Variants in KMT2C observed in about 807,000 individuals in gnomAD.
KMT2C encodes the protein lysine methyltransferase 2C, also known as histone-lysine N-methyltransferase 2C.
KMT2C carries 88 observed loss-of-function variants against 507.9 expected under a neutral mutation model. The ratio of observed to expected loss-of-function variants is 0.17; its 90% CI spans 0.15 to 0.21. The LOEUF is 0.21. Among genes scored for constraint, KMT2C ranks in the 10% least tolerant of loss-of-function variants. The pLI is 1.00. For synonymous variants in KMT2C, 2,049 were observed against 2,080.8 expected, an observed-to-expected ratio of 0.98 and a Z score of 0.42; for missense variants, 4,954 against 5,957.8, an observed-to-expected ratio of 0.83 and a Z score of 5.55.
rs2089867550 is a variant in KMT2C at position 152,136,322 on chromosome 7, C to CT, written c.*509dup. The CT allele has an allele frequency of 4.6e-6, 1 of 218,672 alleles. No individual in the cohort carries two copies. Among genetic ancestry groups the CT allele is most frequent in the Non-Finnish European group, 9.2e-6 (1 of 108,914 alleles). 13.5% of individuals were successfully genotyped at this position (218,672 alleles called of 1,614,324 possible). The stretch of plus-strand genomic sequence containing the variant: ...CAGTACATTCCTTGTTCAGTGGTGT[C>CT]TACTTTATTTAAAAACATTTTGAAG... On this transcript the variant is annotated 3_prime_UTR_variant, in exon 59 of 59. Transcript: ENST00000262189.
At chr7:152,296,067 C>CAAAAA (rs34144566) in intron 6 of KMT2C, among the ~76,000 whole-genome samples, 10 of 45,340 alleles carry the variant, frequency 2.2e-4, no homozygotes, top group Admixed American at 5.1e-4. Flanking sequence ...GACTCCGTCT[C>CAAAAA]AAAAAAAAAA....
intron 54 of KMT2C, 49 bp downstream of exon 54, chr7:152,145,104 A>T: frequency 6.3e-7 from 1 of 1,586,638 alleles, no homozygotes; most frequent in Non-Finnish European, 8.6e-7. Flanking sequence ...GAAACCACTA[A>T]TACGCCTAGA....
At position 152,171,352 on chromosome 7, in the gene KMT2C, C is replaced by T. The variant is rs370525823; in HGVS notation, c.9375-10G>A. 27 of 1,579,226 alleles carry T rather than the reference C, an allele frequency of 1.7e-5. No individual in the cohort carries two copies. The highest frequency in any genetic ancestry group is 2.3e-5 in the Non-Finnish European group (27 of 1,154,664). On this transcript the variant is annotated splice_polypyrimidine_tract_variant and intron_variant, in intron 39 of 58. Transcript: ENST00000262189. ...GCCCATAAAAGGGAACCTGTCAAAA[C>T]AGGGTACACAAGTATCAAGTGATGA...
intron 1 of KMT2C, among the ~76,000 whole-genome samples, chr7:152,390,809 A>C (rs1589678782): frequency 6.6e-6 from 1 of 152,176 alleles, no homozygotes; most frequent in East Asian, 1.9e-4. Flanking sequence ...CAGATGTATA[A>C]GATAGAGCCA....
At chr7:152,251,067 C>CA in intron 11 of KMT2C, 101 bp from the exon 12 acceptor site, 3 of 642,776 alleles carry the variant, frequency 4.7e-6, no homozygotes, top group Non-Finnish European at 8.2e-6. Flanking sequence ...AAATCATCAC[C>CA]AAAAATGCTT....
chr7:152,400,364 G>A (rs2097565148), intron 1 of KMT2C, among the ~76,000 whole-genome samples: 2 of 152,156 alleles, frequency 1.3e-5, no homozygotes, highest in South Asian at 4.1e-4. Context: ...CTTTCAAGAA[G>A]TGAAGCACAT....
intron 6 of KMT2C, among the ~76,000 whole-genome samples, chr7:152,275,610 A>AT: frequency 6.6e-6 from 1 of 152,330 alleles, no homozygotes; most frequent in East Asian, 1.9e-4. Context: ...CTTCATTGAT[A>AT]AAGTGTAATA....
chr7:152,290,312 TTTTTTTTTTTTTG>T, intron 6 of KMT2C, among the ~76,000 whole-genome samples: 1 of 106,940 alleles, frequency 9.4e-6, no homozygotes, highest in African/African-American at 3.6e-5. Context: ...TTTTTTTTTT[TTTTTTTTTTTTTG>T]TCTGAGATGG....
At chr7:152,295,790 G>C (rs1024599103) in intron 6 of KMT2C, among the ~76,000 whole-genome samples, 4 of 152,160 alleles carry the variant, frequency 2.6e-5, no homozygotes, top group Non-Finnish European at 5.9e-5. Context: ...CGCTCGGCTG[G>C]GCGCAGTGGC....
At chr7:152,229,735 A>G (rs1411371610) in intron 18 of KMT2C, among the ~76,000 whole-genome samples, 188 bp downstream of exon 18, 1 of 152,180 alleles carries the variant, frequency 6.6e-6, no homozygotes, top group South Asian at 2.1e-4. Flanking sequence ...ATTGTACAAT[A>G]TAAGATTTAT....
At position 152,135,047 on chromosome 7, in the gene KMT2C, T is replaced by A; in HGVS notation, c.*1785A>T. On this transcript the variant is annotated 3_prime_UTR_variant, in exon 59 of 59. Transcript: ENST00000262189. ...AATTTTTGCCAACATTAGATACTATTATACAGAACAGAAAACAACAAAAAC... is the reference window on the plus strand; with the variant it reads ...AATTTTTGCCAACATTAGATACTATAATACAGAACAGAAAACAACAAAAAC... The A allele has an allele frequency of 4.4e-6, 1 of 229,392 alleles. No homozygotes were observed. Among genetic ancestry groups the A allele is most frequent in the East Asian group, 6.3e-5 (1 of 15,958 alleles). 14.2% of individuals were successfully genotyped at this position (229,392 alleles called of 1,614,324 possible). A position where few individuals can be genotyped will look rare whatever the true frequency, so the allele number is the denominator to read the frequency against.
chr7:152,271,764 A>G (rs1190570632), intron 7 of KMT2C, among the ~76,000 whole-genome samples: 1 of 151,514 alleles, frequency 6.6e-6, no homozygotes, highest in Non-Finnish European at 1.5e-5. Flanking sequence ...GAAGGCTGCT[A>G]TAAGAAACAG....
At chr7:152,189,975 C>T (rs1017308374) in intron 31 of KMT2C, among the ~76,000 whole-genome samples, 7 of 152,322 alleles carry the variant, frequency 4.6e-5, no homozygotes, top group South Asian at 2.1e-4. Flanking sequence ...TGACCATTAC[C>T]GCCTGAGCTC....
chr7:152,343,107 T>C (rs780201216), intron 2 of KMT2C, among the ~76,000 whole-genome samples: 8 of 151,892 alleles, frequency 5.3e-5, no homozygotes, highest in Non-Finnish European at 8.8e-5. Context: ...TTACAAGGTA[T>C]ACTAAAAAGC....
intron 55 of KMT2C, among the ~76,000 whole-genome samples, chr7:152,140,541 C>G (rs1421308230): frequency 6.6e-6 from 1 of 152,126 alleles, no homozygotes; most frequent in African/African-American, 2.4e-5. Context: ...GTTGTATTTT[C>G]TTGTCCCAAT....
intron 6 of KMT2C, among the ~76,000 whole-genome samples, chr7:152,301,421 A>C (rs1424831421): frequency 6.7e-6 from 1 of 149,984 alleles, no homozygotes; most frequent in Admixed American, 6.6e-5. Context: ...AGGCAGGAGA[A>C]TCACTTGAAC....
In KMT2C at chr7:152,154,490, C is replaced by CT. The variant is rs752604077; in HGVS notation, c.11961-46dup. 2.5e-6 allele frequency: 4 copies of CT among 1,569,762 alleles called. No homozygotes were observed. The African/African-American group carries it at 5.4e-5, about 21-fold the overall frequency. The stretch of plus-strand genomic sequence containing the variant: ...CACATCAAAGTCTGCAAATCCACCA[C>CT]TGGGGGCTTCCTGTACCAACCCTGC... On this transcript the variant is annotated intron_variant, in intron 46 of 58. Coordinates refer to ENST00000262189, the MANE Select transcript of KMT2C (RefSeq NM_170606.3).
At chr7:152,234,781 T>C (rs988259182) in intron 16 of KMT2C, among the ~76,000 whole-genome samples, 12 of 151,884 alleles carry the variant, frequency 7.9e-5, no homozygotes, top group African/African-American at 2.9e-4. Flanking sequence ...CACACACCTA[T>C]GGGCCCAGCT....
chr7:152,184,665 T>C lies in KMT2C; in HGVS notation c.5082+893A>G, dbSNP rs540683088. 1.3e-3 allele frequency among the ~76,000 whole-genome samples: 205 copies of C among 152,372 alleles called. 2 individuals are homozygous for C. The highest frequency in any genetic ancestry group is 4.8e-3 in the African/African-American group (200 of 41,596). On this transcript the variant is annotated intron_variant, in intron 34 of 58. Transcript: ENST00000262189. ...GTTGTCCCTCTGTATCCATGGGGTA[T>C]TGGTTCCAGGATTCCCTGCAGATAC...
Sources: allele counts gnomAD v4.1 joint callset (sites outside exome capture counted in the v4.1 genomes callset), GRCh38; gene constraint gnomAD v4.1.1; transcripts MANE v1.5; gene names NCBI Gene and HGNC (gene_info 2026-07-23, HGNC 2026-07-21).